Variants in CCDC88C observed in about 807,000 individuals in gnomAD.
The protein encoded by CCDC88C is coiled-coil and HOOK domain protein 88C.
In CCDC88C, 131 loss-of-function variants were observed where a neutral mutation model predicts 198.8. That is an observed-to-expected ratio of 0.66 (90% CI 0.57 to 0.76). The LOEUF is 0.76. CCDC88C is among the 30% of genes least tolerant of loss of function. CCDC88C has a pLI of 0.00. For synonymous variants in CCDC88C, 1,166 were observed against 1,114.7 expected (o/e 1.05, Z -0.92); for missense variants, 2,553 against 2,631.6 (o/e 0.97, Z 0.65).
intron 3 of CCDC88C, among the ~76,000 whole-genome samples, chr14:91,389,172 C>T (rs1885329375): frequency 1.3e-5 from 2 of 152,168 alleles, no homozygotes; most frequent in Admixed American, 1.3e-4. Context: ...TCAGCAGCTA[C>T]TGGTCAAGTG....
rs116090459 is a variant in CCDC88C, at chr14:91,343,346, G to A, written c.399+253C>T. Among the ~76,000 whole-genome samples the A allele has an allele frequency of 3.3e-3, 500 of 152,236 alleles. 6 individuals carry two copies. Among genetic ancestry groups the A allele is most frequent in the African/African-American group, 0.011 (468 of 41,536 alleles). ...AGATCCTTGTTCTAGTGATTCCTAC[G>A]CTGGGGACGATTTGCTAATGGTACC... On this transcript the variant is annotated intron_variant, in intron 5 of 29. Transcript: ENST00000389857.
intron 19 of CCDC88C, 30 bp from the exon 20 acceptor site, chr14:91,304,008 C>G: frequency 6.3e-7 from 1 of 1,585,434 alleles, no homozygotes. Flanking sequence ...CGGCGTGGCG[C>G]AGGCCCCACA....
intron 3 of CCDC88C, among the ~76,000 whole-genome samples, chr14:91,401,922 A>G (rs1886226781): frequency 6.6e-6 from 1 of 152,192 alleles, no homozygotes; most frequent in South Asian, 2.1e-4. Flanking sequence ...AAACACAGCC[A>G]CAAGTTTAAC....
chr14:91,281,391 A>T, intron 27 of CCDC88C, 66 bp downstream of exon 27: 4 of 1,611,252 alleles, frequency 2.5e-6, no homozygotes, highest in Non-Finnish European at 3.4e-6. Flanking sequence ...GCTTAAAGGA[A>T]AGGTACCGTG....
intron 3 of CCDC88C, among the ~76,000 whole-genome samples, chr14:91,407,495 G>C (rs994559224): frequency 6.6e-6 from 1 of 152,208 alleles, no homozygotes; most frequent in Non-Finnish European, 1.5e-5. Flanking sequence ...GCGTGAATCT[G>C]GGAGGCAGTT....
intron 25 of CCDC88C, chr14:91,285,817 ACT>A: frequency 7.8e-7 from 1 of 1,288,612 alleles, no homozygotes; most frequent in Non-Finnish European, 1.0e-6. Context: ...TCAAAAAGGG[ACT>A]CTTTTTGCGC....
chr14:91,324,647 G>T, intron 12 of CCDC88C, 132 bp downstream of exon 12: 2 of 1,161,812 alleles, frequency 1.7e-6, no homozygotes, highest in Non-Finnish European at 2.4e-6. Context: ...TCCAAGTGGA[G>T]CTTGAAGGAA....
intron 3 of CCDC88C, among the ~76,000 whole-genome samples, chr14:91,386,586 T>C (rs1885161468): frequency 6.6e-6 from 1 of 152,240 alleles, no homozygotes; most frequent in African/African-American, 2.4e-5. Context: ...GCCACCCCAA[T>C]GTGCGACCCT....
chr14:91,281,664 TG>T (rs1890204631), intron 26 of CCDC88C, 139 bp from the exon 27 acceptor site: 1 of 715,186 alleles, frequency 1.4e-6, no homozygotes, highest in African/African-American at 1.7e-5. Flanking sequence ...ATGCTGCCTT[TG>T]GGACCTGCCT....
intron 10 of CCDC88C, among the ~76,000 whole-genome samples, chr14:91,334,274 C>T (rs912154311): frequency 1.4e-4 from 22 of 152,362 alleles, no homozygotes; most frequent in South Asian, 4.1e-4. Context: ...GAGGGTCTCA[C>T]TCTGTCGCCC....
chr14:91,309,771 T>C (rs1891733475), intron 16 of CCDC88C, 88 bp downstream of exon 16: 3 of 1,415,134 alleles, frequency 2.1e-6, no homozygotes, highest in East Asian at 2.4e-5. Flanking sequence ...AGAGAGTTCA[T>C]GGAGGTCTCA....
intron 23 of CCDC88C, among the ~76,000 whole-genome samples, chr14:91,293,549 TGTCCCCTCGCCTGC>T (rs1890845188): frequency 4.3e-5 from 2 of 46,350 alleles, no homozygotes; most frequent in Non-Finnish European, 5.3e-5. Flanking sequence ...CCCACCTTCC[TGTCCCCTCGCCTGC>T]CACGGCCCAC....
chr14:91,389,128 A>G (rs1227961344), intron 3 of CCDC88C, among the ~76,000 whole-genome samples: 2 of 152,200 alleles, frequency 1.3e-5, no homozygotes, highest in African/African-American at 2.4e-5. Context: ...GGAGCCAATT[A>G]GTTCATCTGA....
At chr14:91,413,983 T>C (rs532509828) in intron 2 of CCDC88C, among the ~76,000 whole-genome samples, 2 of 152,320 alleles carry the variant, frequency 1.3e-5, no homozygotes, top group African/African-American at 4.8e-5. Flanking sequence ...GCTAGTGACA[T>C]GTTGCCATTT....
intron 2 of CCDC88C, among the ~76,000 whole-genome samples, chr14:91,410,046 A>G (rs1347544910): frequency 6.6e-6 from 1 of 152,218 alleles, no homozygotes; most frequent in Non-Finnish European, 1.5e-5. Context: ...TTCCAACCTC[A>G]GGCAAAAGTT....
chr14:91,341,031 C>T (rs1049166828), intron 6 of CCDC88C, among the ~76,000 whole-genome samples: 1 of 151,874 alleles, frequency 6.6e-6, no homozygotes, highest in African/African-American at 2.4e-5. Flanking sequence ...AAAAGACAAA[C>T]CCATAAAATA....
At chr14:91,387,903 C>A (rs1430559648) in intron 3 of CCDC88C, among the ~76,000 whole-genome samples, 1 of 152,234 alleles carries the variant, frequency 6.6e-6, no homozygotes, top group Admixed American at 6.5e-5. Flanking sequence ...GTCGGAATCA[C>A]CTCAGACAAC....
chr14:91,299,480 C>T (rs142940459), intron 21 of CCDC88C, among the ~76,000 whole-genome samples: 3 of 152,362 alleles, frequency 2.0e-5, no homozygotes, highest in Non-Finnish European at 4.4e-5. Flanking sequence ...CAGTGACTCC[C>T]GCATTTCACC....
intron 12 of CCDC88C, among the ~76,000 whole-genome samples, chr14:91,322,683 T>C (rs1166092721): frequency 6.6e-6 from 1 of 152,228 alleles, no homozygotes; most frequent in Non-Finnish European, 1.5e-5. Flanking sequence ...ATTTTAGCCA[T>C]TTTAAAGTGT....
Sources: gnomAD v4.1 joint callset for allele counts (sites outside exome capture counted in the v4.1 genomes callset) on GRCh38, gnomAD v4.1.1 for gene constraint, MANE v1.5 for transcripts, NCBI Gene and HGNC (gene_info 2026-07-23, HGNC 2026-07-21) for gene names.